The following ANP32B variants were observed in gnomAD, a reference collection of about 807,000 sequenced individuals.
The protein encoded by ANP32B is acidic nuclear phosphoprotein 32 family member B.
ANP32B carries 6 observed loss-of-function variants against 32.2 expected under a neutral mutation model. That is an observed-to-expected ratio of 0.19 (90% CI 0.10 to 0.37). The LOEUF is 0.37. Among genes scored for constraint, ANP32B ranks in the 10% least tolerant of loss-of-function variants. The pLI is 1.00. For synonymous variants in ANP32B, 98 were observed against 105.8 expected, an observed-to-expected ratio of 0.93 and a Z score of 0.45; for missense variants, 204 against 289.2, an observed-to-expected ratio of 0.71 and a Z score of 2.14.
intron 1 of ANP32B, among the ~76,000 whole-genome samples, 177 bp from the exon 2 acceptor site, chr9:97,994,454 A>G (rs1052368602): frequency 1.3e-5 from 2 of 152,186 alleles, no homozygotes; most frequent in African/African-American, 4.8e-5. Flanking sequence ...CTGTCAGTAT[A>G]TTGTTACTGA....
At chr9:97,985,494 ACTTGAGAGG>A (rs965242652) in intron 1 of ANP32B, among the ~76,000 whole-genome samples, 2 of 152,214 alleles carry the variant, frequency 1.3e-5, no homozygotes, top group African/African-American at 4.8e-5. Context: ...GCGCCTCAAA[ACTTGAGAGG>A]CTTTCTTGGC....
In ANP32B at chr9:98,015,711, T is replaced by C; in HGVS notation, c.*280T>C. 1 of 1,072,990 alleles carries C rather than the reference T, an allele frequency of 9.3e-7. No individual in the cohort carries two copies. The allele number at this position is 1,072,990 out of a possible 1,614,324, so 66.5% of individuals were successfully genotyped here. On this transcript the variant is annotated 3_prime_UTR_variant, in exon 7 of 7. Transcript: ENST00000339399. ...TTGCTGTAGCGTGGATAGCTGTGAT[T>C]GGTGAGTCAACCGTCTGTGGCTACC...
intron 2 of ANP32B, among the ~76,000 whole-genome samples, chr9:97,995,581 GT>G (rs1202682209): frequency 2.0e-5 from 3 of 152,024 alleles, no homozygotes; most frequent in Admixed American, 6.6e-5. Context: ...TGGTATTGGG[GT>G]TTGTTTGTTT....
chr9:98,003,772 A>G (rs996724452), intron 3 of ANP32B, among the ~76,000 whole-genome samples: 2 of 152,116 alleles, frequency 1.3e-5, no homozygotes, highest in Non-Finnish European at 2.9e-5. Context: ...GGTCCTCTTA[A>G]AGTTTGTTTG....
chr9:97,995,697 G>C lies in ANP32B; in HGVS notation c.204+917G>C, dbSNP rs570622156. Among the ~76,000 whole-genome samples, 545 of 152,134 alleles carry C rather than the reference G, an allele frequency of 3.6e-3. 6 individuals are homozygous for C. The highest frequency in any genetic ancestry group is 6.5e-3 in the Non-Finnish European group (445 of 67,988). ...ACACTTTGGGAGGCCAAGGTGGGAG[G>C]ATCACGTGAGGTCAGGAGTTCGAGA... On this transcript the variant is annotated intron_variant, in intron 2 of 6. Coordinates refer to ENST00000339399, the MANE Select transcript of ANP32B (RefSeq NM_006401.3).
chr9:97,984,651 C>T (rs1373611894), intron 1 of ANP32B: 3 of 150,808 alleles, frequency 2.0e-5, no homozygotes, highest in African/African-American at 4.8e-5. Flanking sequence ...CGCCCGCCCT[C>T]GGCGCTGGCT....
intron 1 of ANP32B, among the ~76,000 whole-genome samples, chr9:97,984,111 C>T (rs1827654088): frequency 6.7e-6 from 1 of 149,322 alleles, no homozygotes; most frequent in Non-Finnish European, 1.5e-5. Flanking sequence ...CGGAGCTCGC[C>T]GTGGGCGCCG....
At chr9:98,008,961 CCTA>C (rs1269425192) in intron 4 of ANP32B, among the ~76,000 whole-genome samples, 1 of 152,192 alleles carries the variant, frequency 6.6e-6, no homozygotes, top group Non-Finnish European at 1.5e-5. Context: ...GGACCGCTGT[CCTA>C]CTGCACTACA....
At chr9:98,003,000 T>C (rs1019446103) in intron 3 of ANP32B, among the ~76,000 whole-genome samples, 2 of 152,156 alleles carry the variant, frequency 1.3e-5, no homozygotes, top group African/African-American at 4.8e-5. Flanking sequence ...GTATGCTAGC[T>C]AGCCATCTGG....
chr9:98,000,220 C>CT (rs1477022337), intron 3 of ANP32B, among the ~76,000 whole-genome samples: 1 of 152,162 alleles, frequency 6.6e-6, no homozygotes, highest in East Asian at 1.9e-4. Context: ...CTCAAGTGAT[C>CT]CTTCCATCTC....
At chr9:98,006,090 G>C (rs569401820) in intron 4 of ANP32B, among the ~76,000 whole-genome samples, 13 of 152,332 alleles carry the variant, frequency 8.5e-5, no homozygotes, top group African/African-American at 2.9e-4. Context: ...GATGATCCGA[G>C]GTGGAGCTGA....
chr9:97,985,082 G>C (rs1486188789), intron 1 of ANP32B, among the ~76,000 whole-genome samples: 4 of 149,692 alleles, frequency 2.7e-5, no homozygotes, highest in Admixed American at 6.6e-5. Context: ...CCCCCGCCGC[G>C]GACCGGCGCG....
chr9:98,001,156 C>G (rs1587876260), intron 3 of ANP32B, among the ~76,000 whole-genome samples: 1 of 151,020 alleles, frequency 6.6e-6, no homozygotes, highest in Admixed American at 6.6e-5. Flanking sequence ...ATAAGAAACC[C>G]TTCTCCCCGC....
At chr9:97,988,307 T>C (rs1381737345) in intron 1 of ANP32B, among the ~76,000 whole-genome samples, 1 of 152,202 alleles carries the variant, frequency 6.6e-6, no homozygotes, top group Non-Finnish European at 1.5e-5. Flanking sequence ...GATTTTTTTT[T>C]CCATCTGCCA....
At position 98,004,994 on chromosome 9, in the gene ANP32B, C is replaced by T. The variant is rs1476195765; in HGVS notation, c.358C>T (p.Leu120Phe). Residue 120 changes from leucine (L) to phenylalanine (F), a missense_variant, in exon 4 of 7, where the codon CTC becomes TTC. Transcript: ENST00000339399. ...KKLECLKSLD[L>F]FNCEVTNLND... The stretch of plus-strand genomic sequence containing the variant: ...GTTAGAATGTCTGAAAAGCCTGGAC[C>T]TCTTTAACTGTGAGGTTACCAACCT... 6.2e-7 allele frequency: 1 copy of T among 1,611,944 alleles called. No individual in the cohort carries two copies. The highest frequency in any genetic ancestry group is 8.5e-7 in the Non-Finnish European group (1 of 1,179,246).
intron 3 of ANP32B, among the ~76,000 whole-genome samples, chr9:97,999,826 A>G (rs1400099814): frequency 6.6e-6 from 1 of 152,224 alleles, no homozygotes. Context: ...TTTGTAGGGC[A>G]GCCCCACAGG....
At chr9:98,012,168 T>G (rs1828196317) in intron 5 of ANP32B, among the ~76,000 whole-genome samples, 1 of 152,216 alleles carries the variant, frequency 6.6e-6, no homozygotes, top group Non-Finnish European at 1.5e-5. Flanking sequence ...TATCCAGAGT[T>G]ATATACTAAT....
At position 97,990,944 on chromosome 9, in the gene ANP32B, C is replaced by T. The variant is rs143768598; in HGVS notation, c.55-3687C>T. On this transcript the variant is annotated intron_variant, in intron 1 of 6. Transcript: ENST00000339399. Reference sequence around the variant, plus strand: ...CAAGCATTCTCCTGCCTCATCCTCCCGAGTAGCTGGGACTACAGGTGCACA... The same window carrying T: ...CAAGCATTCTCCTGCCTCATCCTCCTGAGTAGCTGGGACTACAGGTGCACA... 2.5e-3 allele frequency among the ~76,000 whole-genome samples: 373 copies of T among 151,904 alleles called. 3 individuals are homozygous for T. Among genetic ancestry groups the T allele is most frequent in the African/African-American group, 8.3e-3 (343 of 41,388 alleles).
chr9:97,995,558 A>G (rs1827890213), intron 2 of ANP32B, among the ~76,000 whole-genome samples: 1 of 152,146 alleles, frequency 6.6e-6, no homozygotes, highest in Non-Finnish European at 1.5e-5. Context: ...TCTGAGTGGG[A>G]CAGTTAGTTT....
Sources: allele counts gnomAD v4.1 joint callset (sites outside exome capture counted in the v4.1 genomes callset), GRCh38; gene constraint gnomAD v4.1.1; transcripts MANE v1.5; gene names NCBI Gene and HGNC (gene_info 2026-07-23, HGNC 2026-07-21).